SLC60A2: variants seen among roughly 807,000 people sequenced by gnomAD.
The protein encoded by SLC60A2 is solute carrier family 60 member 2.
the SLC60A2 span, chr6:111,266,799 G>C: frequency 6.2e-7 from 1 of 1,613,928 alleles, no homozygotes; most frequent in Non-Finnish European, 8.5e-7. Context: ...TTCACCTCTT[G>C]ATCGCCAGCG....
chr6:111,262,504 G>A, the SLC60A2 span: 12 of 1,379,896 alleles, frequency 8.7e-6, no homozygotes, highest in African/African-American at 1.7e-4. Flanking sequence ...GAAAATACTA[G>A]CATGCAGAAT....
the SLC60A2 span, among the ~76,000 whole-genome samples, chr6:111,271,528 A>G: frequency 6.6e-6 from 1 of 151,988 alleles, no homozygotes; most frequent in Admixed American, 6.6e-5. Flanking sequence ...AAGTATATTG[A>G]CATTACAGTT....
At chr6:111,269,940 C>G in the SLC60A2 span, 2 of 152,086 alleles carry the variant, frequency 1.3e-5, no homozygotes, top group African/African-American at 2.4e-5. Context: ...AACACAGTAC[C>G]ACACATTGAA....
At chr6:111,262,191 A>G in the SLC60A2 span, 210 of 1,348,814 alleles carry the variant, frequency 1.6e-4, 2 homozygotes, top group Admixed American at 3.5e-4. Flanking sequence ...AGTGGAAGAA[A>G]CTACCACATA....
At chr6:111,270,150 A>G in the SLC60A2 span, 1 of 152,094 alleles carries the variant, frequency 6.6e-6, no homozygotes, top group Non-Finnish European at 1.5e-5. Flanking sequence ...CTCTCACAAC[A>G]TGGCAGTTTC....
chr6:111,266,606 G>T, the SLC60A2 span: 1 of 1,614,152 alleles, frequency 6.2e-7, no homozygotes, highest in Non-Finnish European at 8.5e-7. Flanking sequence ...AGCAGTACAC[G>T]ACCATCCATG....
chr6:111,276,560 A>G, the SLC60A2 span, among the ~76,000 whole-genome samples: 4 of 152,200 alleles, frequency 2.6e-5, no homozygotes, highest in Non-Finnish European at 1.5e-5. Flanking sequence ...ATTTTTGTTC[A>G]GTCATTGCAC....
the SLC60A2 span, chr6:111,259,409 G>C: frequency 2.5e-6 from 1 of 395,468 alleles, no homozygotes; most frequent in Non-Finnish European, 4.5e-6. Flanking sequence ...CCGGTTCCGG[G>C]CGGTCCGCTG....
the SLC60A2 span, chr6:111,262,380 A>G: frequency 6.2e-7 from 1 of 1,613,826 alleles, no homozygotes; most frequent in Non-Finnish European, 8.5e-7. Flanking sequence ...TGGCTCTGTG[A>G]TTGGTGGATT....
chr6:111,266,129 C>A, the SLC60A2 span: 2 of 1,613,974 alleles, frequency 1.2e-6, no homozygotes, highest in Admixed American at 3.3e-5. Context: ...ATGCTGTTAT[C>A]GGTACTTACA....
At chr6:111,260,982 A>G in the SLC60A2 span, among the ~76,000 whole-genome samples, 6 of 152,210 alleles carry the variant, frequency 3.9e-5, no homozygotes, top group Non-Finnish European at 1.5e-5. Context: ...GGGCAATTAG[A>G]ATCAGTTATT....
the SLC60A2 span, among the ~76,000 whole-genome samples, chr6:111,264,431 C>G: frequency 2.4e-3 from 338 of 141,054 alleles, 1 homozygote; most frequent in African/African-American, 8.4e-3. Context: ...CTTTTTCTTT[C>G]TGTCCTCAAA....
the SLC60A2 span, chr6:111,266,289 G>A: frequency 6.2e-7 from 1 of 1,613,958 alleles, no homozygotes. Flanking sequence ...TTTTTATGTT[G>A]GAGCTGAGGT....
the SLC60A2 span, among the ~76,000 whole-genome samples, chr6:111,279,767 C>T: frequency 6.6e-6 from 1 of 152,080 alleles, no homozygotes; most frequent in Non-Finnish European, 1.5e-5. Context: ...AGGTTTATTA[C>T]ATCTGAATTT....
At chr6:111,269,209 TA>T in the SLC60A2 span, 2 of 152,152 alleles carry the variant, frequency 1.3e-5, no homozygotes, top group East Asian at 3.8e-4. Context: ...ATTTATTTAT[TA>T]GGGGTGGGGG....
chr6:111,271,328 A>C, the SLC60A2 span, among the ~76,000 whole-genome samples: 1 of 152,044 alleles, frequency 6.6e-6, no homozygotes, highest in Non-Finnish European at 1.5e-5. Flanking sequence ...TCTTTTGAAA[A>C]ATTACTTTTT....
the SLC60A2 span, among the ~76,000 whole-genome samples, chr6:111,275,419 T>TC: frequency 6.6e-6 from 1 of 151,716 alleles, no homozygotes; most frequent in East Asian, 1.9e-4. Context: ...CTTTTTTTTT[T>TC]TTTTTTTTAA....
At chr6:111,266,010 G>A in the SLC60A2 span, 2 of 1,614,184 alleles carry the variant, frequency 1.2e-6, no homozygotes, top group African/African-American at 2.7e-5. Context: ...GACAGCGTCT[G>A]CTGAAAACCA....
the SLC60A2 span, chr6:111,265,273 AAAG>A: frequency 2.0e-6 from 2 of 980,712 alleles, no homozygotes; most frequent in South Asian, 4.7e-5. Context: ...TGTTGAAAAA[AAAG>A]AAGATAGCTC....
Sources: allele counts gnomAD v4.1 joint callset (sites outside exome capture counted in the v4.1 genomes callset), GRCh38; gene constraint gnomAD v4.1.1; transcripts MANE v1.5; gene names NCBI Gene and HGNC (gene_info 2026-07-23, HGNC 2026-07-21).